ST8SIA6: variants seen among roughly 807,000 people sequenced by gnomAD.
ST8SIA6 encodes the protein ST8 alpha-N-acetyl-neuraminide alpha-2,8-sialyltransferase 6.
In ST8SIA6, 39 loss-of-function variants were observed where a neutral mutation model predicts 33.6. That is an observed-to-expected ratio of 1.16 (90% CI 0.90 to 1.52). The LOEUF is 1.52. Ranked by LOEUF, ST8SIA6 falls within the 40% of genes most tolerant of loss-of-function variation. The pLI, the probability that ST8SIA6 is intolerant of heterozygous loss-of-function variation, is 0.00. For missense variants in ST8SIA6, 441 were observed against 443.8 expected (o/e 0.99, Z 0.06); for synonymous variants, 172 against 167.2 (o/e 1.03, Z -0.22).
At chr10:17,374,764 T>TATATATATATATATACACACAC (rs1441288579) in intron 3 of ST8SIA6, among the ~76,000 whole-genome samples, 1 of 126,848 alleles carries the variant, frequency 7.9e-6, no homozygotes, top group South Asian at 2.8e-4. Context: ...TATATATATA[T>TATATATATATATATACACACAC]ATATTTAGCT....
At chr10:17,362,119 A>G (rs930995199) in intron 3 of ST8SIA6, among the ~76,000 whole-genome samples, 13 of 152,206 alleles carry the variant, frequency 8.5e-5, no homozygotes, top group Non-Finnish European at 1.9e-4. Flanking sequence ...GTCCACTTTC[A>G]CCATCTCTAT....
chr10:17,399,996 A>T (rs528634116), intron 2 of ST8SIA6, among the ~76,000 whole-genome samples: 1 of 152,106 alleles, frequency 6.6e-6, no homozygotes, highest in African/African-American at 2.4e-5. Context: ...TATTTTACTC[A>T]TAATGAGGGA....
At chr10:17,367,317 A>G (rs7087651) in intron 3 of ST8SIA6, among the ~76,000 whole-genome samples, 31,089 of 152,098 alleles carry the variant, frequency 0.2, 3,523 homozygotes, top group East Asian at 0.51. Context: ...GCAAGAGAAT[A>G]TGTGCAGGGG....
At chr10:17,406,052 A>C (rs1851247273) in intron 2 of ST8SIA6, among the ~76,000 whole-genome samples, 1 of 152,176 alleles carries the variant, frequency 6.6e-6, no homozygotes, top group Non-Finnish European at 1.5e-5. Context: ...CCTGCTTAAT[A>C]ATCAGTATTC....
intron 3 of ST8SIA6, among the ~76,000 whole-genome samples, chr10:17,378,475 T>G (rs1165505067): frequency 6.6e-6 from 1 of 152,208 alleles, no homozygotes. Context: ...CAGGGTCCGA[T>G]GGAGCAAAGG....
At chr10:17,423,716 T>C (rs1259641149) in intron 2 of ST8SIA6, among the ~76,000 whole-genome samples, 1 of 152,162 alleles carries the variant, frequency 6.6e-6, no homozygotes, top group Non-Finnish European at 1.5e-5. Flanking sequence ...CCCTTTGTAC[T>C]CTGCACACCA....
In ST8SIA6 at chr10:17,439,563, G is replaced by T. The variant is rs981483995; in HGVS notation, c.200+13996C>A. On this transcript the variant is annotated intron_variant, in intron 2 of 7. Coordinates refer to ENST00000377602, the MANE Select transcript of ST8SIA6 (RefSeq NM_001004470.3). ...AGCAAAGTGCTGGGATTACAGGCGT[G>T]AGCCACCATGTCCAGCATATGTTTA... is the stretch of plus-strand genomic sequence containing the variant. Among the ~76,000 whole-genome samples the T allele has an allele frequency of 2.0e-5, 3 of 152,220 alleles. No homozygotes were observed. The South Asian group carries it at 6.2e-4, about 31-fold the overall frequency.
At chr10:17,432,208 G>C (rs1489487496) in intron 2 of ST8SIA6, among the ~76,000 whole-genome samples, 1 of 152,152 alleles carries the variant, frequency 6.6e-6, no homozygotes, top group Non-Finnish European at 1.5e-5. Flanking sequence ...GAAGCAGTGG[G>C]GACCAGATTT....
At chr10:17,376,586 A>G (rs771928553) in intron 3 of ST8SIA6, among the ~76,000 whole-genome samples, 10 of 152,206 alleles carry the variant, frequency 6.6e-5, no homozygotes, top group Non-Finnish European at 1.5e-4. Flanking sequence ...GCTCTTAGAA[A>G]AATCATTTCA....
chr10:17,344,072 C>A (rs1219174359), intron 4 of ST8SIA6, among the ~76,000 whole-genome samples: 1 of 152,166 alleles, frequency 6.6e-6, no homozygotes, highest in Non-Finnish European at 1.5e-5. Context: ...AATGACATGA[C>A]TGAGACTTGG....
In ST8SIA6 at chr10:17,317,639, CT is replaced by C. The variant is rs774525131; in HGVS notation, c.*3238del. 2.6e-5 allele frequency among the ~76,000 whole-genome samples: 4 copies of C among 152,304 alleles called. No individual in the cohort carries two copies. The highest frequency in any genetic ancestry group is 4.4e-5 in the Non-Finnish European group (3 of 68,018). ...GACCTGTTTTCCACAAAATTTTCCA[CT>C]TTTCCCAAAGCTTCCTAATTCATGG... On this transcript the variant is annotated 3_prime_UTR_variant, in exon 8 of 8. Coordinates refer to ENST00000377602, the MANE Select transcript of ST8SIA6 (RefSeq NM_001004470.3).
chr10:17,446,855 G>A (rs1159319421), intron 2 of ST8SIA6, among the ~76,000 whole-genome samples: 1 of 151,150 alleles, frequency 6.6e-6, no homozygotes, highest in Non-Finnish European at 1.5e-5. Flanking sequence ...CTGAGGTCAG[G>A]AGTTCAAGAC....
intron 3 of ST8SIA6, among the ~76,000 whole-genome samples, chr10:17,374,752 A>T (rs201911369): frequency 0.11 from 13,362 of 118,928 alleles, 1,199 homozygotes; most frequent in East Asian, 0.38. Context: ...ATAAATAATA[A>T]ATATATATAT....
At chr10:17,431,609 TC>T (rs1353360286) in intron 2 of ST8SIA6, among the ~76,000 whole-genome samples, 2 of 152,146 alleles carry the variant, frequency 1.3e-5, no homozygotes, top group East Asian at 3.9e-4. Context: ...CAGCGTGAGA[TC>T]CTCTCTGTCC....
In ST8SIA6 at chr10:17,351,693, A is replaced by C. The variant is rs142588344; in HGVS notation, c.377+7821T>G. On this transcript the variant is annotated intron_variant, in intron 4 of 7. Transcript: ENST00000377602. ...AATGCATAAATGAAATGTGGTATAT[A>C]TACACAGTGGAATAGTATACAGCCT... is the stretch of plus-strand genomic sequence containing the variant. 3.0e-3 allele frequency among the ~76,000 whole-genome samples: 458 copies of C among 152,154 alleles called. 10 individuals are homozygous for C. The highest frequency in any genetic ancestry group is 6.6e-4 in the Non-Finnish European group (45 of 68,008).
In ST8SIA6 at chr10:17,315,469, T is replaced by TA; in HGVS notation, c.*5408dup. ...TGTAATAGCCAAAACCAGGAGATAG[T>TA]AAAATGTTCATCAACAAATGAGCAG... On this transcript the variant is annotated 3_prime_UTR_variant, in exon 8 of 8. Coordinates refer to ENST00000377602, the MANE Select transcript of ST8SIA6 (RefSeq NM_001004470.3). 6.6e-6 allele frequency among the ~76,000 whole-genome samples: 1 copy of TA among 152,126 alleles called. No homozygotes were observed. Among genetic ancestry groups the TA allele is most frequent in the South Asian group, 2.1e-4 (1 of 4,820 alleles).
chr10:17,356,535 G>A (rs183304603), intron 4 of ST8SIA6, among the ~76,000 whole-genome samples: 7 of 151,952 alleles, frequency 4.6e-5, no homozygotes, highest in Middle Eastern at 6.8e-3. Context: ...TTACAAGTAT[G>A]CCCCGTTATG....
At chr10:17,438,007 G>T (rs1268927894) in intron 2 of ST8SIA6, among the ~76,000 whole-genome samples, 1 of 152,044 alleles carries the variant, frequency 6.6e-6, no homozygotes, top group East Asian at 1.9e-4. Context: ...GGGAATACAG[G>T]TGTGAGCCAC....
rs1852212463 is a variant in ST8SIA6, at chr10:17,435,126, CT to C, written c.200+18432del. ...TGCATTCCTTGTTGCTGCTGCATAT[CT>C]GAATTCATTAAGTTTGACTTCGTAA... On this transcript the variant is annotated intron_variant, in intron 2 of 7. Coordinates refer to ENST00000377602, the MANE Select transcript of ST8SIA6 (RefSeq NM_001004470.3). 3.3e-5 allele frequency among the ~76,000 whole-genome samples: 5 copies of C among 152,306 alleles called. No individual in the cohort carries two copies. The South Asian group carries it at 1.0e-3, about 32-fold the overall frequency.
Sources: gnomAD v4.1 joint callset for allele counts (sites outside exome capture counted in the v4.1 genomes callset) on GRCh38, gnomAD v4.1.1 for gene constraint, MANE v1.5 for transcripts, NCBI Gene and HGNC (gene_info 2026-07-23, HGNC 2026-07-21) for gene names.